Variants in NKAIN1 observed in about 807,000 individuals in gnomAD.
NKAIN1 encodes the protein sodium/potassium transporting ATPase interacting 1.
Under a neutral mutation model 31.6 loss-of-function variants are expected in NKAIN1, and 13 were observed. That is an observed-to-expected ratio of 0.41 (90% CI 0.27 to 0.65). NKAIN1 has a LOEUF of 0.65. Among genes scored for constraint, NKAIN1 ranks in the 30% least tolerant of loss-of-function variants. The probability of loss-of-function intolerance (pLI) is 0.30; values close to 1 mark genes in which losing one functional copy is unlikely to be tolerated. For missense variants in NKAIN1, 193 were observed against 262.2 expected (o/e 0.74, Z 1.82); for synonymous variants, 104 against 109.0 (o/e 0.95, Z 0.28).
chr1:31,182,384 C>G (rs1040541171), intron 5 of NKAIN1, 146 bp downstream of exon 5: 27 of 821,920 alleles, frequency 3.3e-5, no homozygotes, highest in Non-Finnish European at 5.4e-5. Flanking sequence ...GTATGCAGAG[C>G]CTTCCATACC....
intron 1 of NKAIN1, chr1:31,193,770 T>C (rs1277207051): frequency 1.3e-5 from 2 of 152,014 alleles, no homozygotes; most frequent in Non-Finnish European, 2.9e-5. Flanking sequence ...ATGCAGCTAA[T>C]TAACAAATAA....
rs199584317 is a variant in NKAIN1, at chr1:31,194,928, T to TGG, written c.55-6742_55-6741insCC. 4.1e-3 allele frequency among the ~76,000 whole-genome samples: 627 copies of TGG among 151,520 alleles called. 37 individuals are homozygous for TGG. In the East Asian group the frequency reaches 0.098, roughly 24 times the overall value. On this transcript the variant is annotated intron_variant, in intron 1 of 6. Coordinates refer to ENST00000373736, the MANE Select transcript of NKAIN1 (RefSeq NM_024522.3). The stretch of plus-strand genomic sequence containing the variant: ...TTGGGATTACAGGCGAGTGCCACCA[T>TGG]GCCCAGCTAATTCTTGTATTTTCAG...
rs1645275640 is a variant in NKAIN1, at chr1:31,190,320, C to A, written c.55-2133G>T. Among the ~76,000 whole-genome samples, 4 of 152,290 alleles carry A rather than the reference C, an allele frequency of 2.6e-5. No individual in the cohort carries two copies. The South Asian group carries it at 8.3e-4, about 32-fold the overall frequency. On this transcript the variant is annotated intron_variant, in intron 1 of 6. Coordinates refer to ENST00000373736, the MANE Select transcript of NKAIN1 (RefSeq NM_024522.3). ...CATTTACCCACTTGGCACCAGCCTG[C>A]CTCTTGTCGGTGACTCCCCTCCCAG...
chr1:31,238,834 G>A (rs1400780926), intron 1 of NKAIN1, among the ~76,000 whole-genome samples: 2 of 152,150 alleles, frequency 1.3e-5, no homozygotes, highest in Non-Finnish European at 2.9e-5. Flanking sequence ...AGCTCCTGGT[G>A]ACCCTCTCCA....
intron 1 of NKAIN1, among the ~76,000 whole-genome samples, chr1:31,215,699 G>A (rs1187882563): frequency 1.3e-5 from 2 of 152,142 alleles, no homozygotes; most frequent in Admixed American, 6.5e-5. Context: ...CCCAACCGAA[G>A]GCCCTGGGAG....
At chr1:31,186,242 A>C (rs1159652439) in intron 2 of NKAIN1, among the ~76,000 whole-genome samples, 2 of 151,776 alleles carry the variant, frequency 1.3e-5, no homozygotes, top group African/African-American at 4.8e-5. Flanking sequence ...CATGCCTGTA[A>C]TCCCAGCTAC....
intron 1 of NKAIN1, among the ~76,000 whole-genome samples, chr1:31,203,850 G>A (rs1368261825): frequency 6.6e-6 from 1 of 152,162 alleles, no homozygotes; most frequent in Non-Finnish European, 1.5e-5. Flanking sequence ...CTTCCAAAAT[G>A]CTGGGATTAC....
chr1:31,215,764 C>A (rs1057492743), intron 1 of NKAIN1, among the ~76,000 whole-genome samples: 1 of 152,128 alleles, frequency 6.6e-6, no homozygotes, highest in African/African-American at 2.4e-5. Flanking sequence ...ATGGCAGAGG[C>A]CATGAGTGGT....
intron 1 of NKAIN1, among the ~76,000 whole-genome samples, chr1:31,188,666 C>T (rs1212811368): frequency 2.0e-5 from 3 of 152,296 alleles, no homozygotes; most frequent in Admixed American, 6.5e-5. Context: ...CAAAATTGGC[C>T]TCGAATCCTC....
intron 1 of NKAIN1, among the ~76,000 whole-genome samples, chr1:31,227,059 A>C (rs1380401883): frequency 1.3e-5 from 2 of 152,158 alleles, no homozygotes; most frequent in Admixed American, 1.3e-4. Flanking sequence ...TCCTGGCCTC[A>C]AGTGATCTGC....
chr1:31,183,861 G>A lies in NKAIN1; in HGVS notation c.427C>T (p.Pro143Ser), dbSNP rs1487157284. Residue 143 changes from proline to serine, a missense_variant, in exon 4 of 7, where the codon CCC (proline) becomes TCC (serine). Coordinates refer to ENST00000373736, the MANE Select transcript of NKAIN1 (RefSeq NM_024522.3). ...ISVTGCLLDY[P>S]YIEALSSALQ... Reference sequence around the variant, plus strand: ...GCGCTGCTGAGGGCTTCAATGTAGGGGTAGTCAAGCAGGCAGCCAGTGACA... The same window carrying A: ...GCGCTGCTGAGGGCTTCAATGTAGGAGTAGTCAAGCAGGCAGCCAGTGACA... 5.6e-6 allele frequency: 9 copies of A among 1,613,944 alleles called. No individual in the cohort carries two copies. In the Admixed American group the frequency reaches 6.7e-5, roughly 12 times the overall value.
At position 31,216,708 on chromosome 1, in the gene NKAIN1, T is replaced by C. The variant is rs564899129; in HGVS notation, c.54+22786A>G. Reference sequence around the variant, plus strand: ...CATTGACTTTTATTTATTTATTTATTTATTTATTTATTTATTTATTTATTG... The same window carrying C: ...CATTGACTTTTATTTATTTATTTATCTATTTATTTATTTATTTATTTATTG... On this transcript the variant is annotated intron_variant, in intron 1 of 6. Transcript: ENST00000373736. 5.5e-3 allele frequency among the ~76,000 whole-genome samples: 824 copies of C among 149,546 alleles called. 11 individuals carry two copies. The highest frequency in any genetic ancestry group is 0.019 in the African/African-American group (771 of 40,220).
chr1:31,216,689 C>CA (rs1368490685), intron 1 of NKAIN1, among the ~76,000 whole-genome samples: 12 of 18,886 alleles, frequency 6.4e-4, no homozygotes, highest in East Asian at 2.4e-3. Context: ...GTGGCATTGA[C>CA]TTTTATTTAT....
At chr1:31,196,873 C>T (rs1270177436) in intron 1 of NKAIN1, among the ~76,000 whole-genome samples, 1 of 152,126 alleles carries the variant, frequency 6.6e-6, no homozygotes, top group Non-Finnish European at 1.5e-5. Flanking sequence ...ACCTAGTGGT[C>T]AGGAGCAAAG....
intron 1 of NKAIN1, among the ~76,000 whole-genome samples, chr1:31,217,229 G>C (rs1357467744): frequency 6.6e-6 from 1 of 151,862 alleles, no homozygotes; most frequent in Non-Finnish European, 1.5e-5. Flanking sequence ...TGGCAGCACA[G>C]TCATAGCTTA....
chr1:31,216,882 G>A (rs1477159404), intron 1 of NKAIN1, among the ~76,000 whole-genome samples: 1 of 151,572 alleles, frequency 6.6e-6, no homozygotes, highest in Admixed American at 6.6e-5. Context: ...TTGTGTGTGT[G>A]TGAGATGGAG....
intron 1 of NKAIN1, among the ~76,000 whole-genome samples, chr1:31,231,411 C>G (rs942078589): frequency 6.7e-6 from 1 of 149,724 alleles, no homozygotes; most frequent in Non-Finnish European, 1.5e-5. Flanking sequence ...TGAGCTCAAG[C>G]AGTCCACCCA....
intron 1 of NKAIN1, among the ~76,000 whole-genome samples, chr1:31,234,263 CG>C: frequency 6.6e-6 from 1 of 152,206 alleles, no homozygotes; most frequent in Non-Finnish European, 1.5e-5. Flanking sequence ...CTCAAGCACC[CG>C]AAGCAGAACC....
intron 1 of NKAIN1, among the ~76,000 whole-genome samples, chr1:31,196,206 C>T (rs1202480059): frequency 6.6e-6 from 1 of 151,864 alleles, no homozygotes; most frequent in Non-Finnish European, 1.5e-5. Context: ...TGGTGAAACC[C>T]CGCCTCTACT....
Sources: allele counts gnomAD v4.1 joint callset (sites outside exome capture counted in the v4.1 genomes callset), GRCh38; gene constraint gnomAD v4.1.1; transcripts MANE v1.5; gene names NCBI Gene and HGNC (gene_info 2026-07-23, HGNC 2026-07-21).